The following LINGO2 variants were observed in gnomAD, a reference collection of about 807,000 sequenced individuals.
LINGO2 encodes leucine-rich repeat and immunoglobulin-like domain-containing nogo receptor-interacting protein 2.
Under a neutral mutation model 30.6 loss-of-function variants are expected in LINGO2, and 14 were observed. That is an observed-to-expected ratio of 0.46 (90% CI 0.30 to 0.72). The LOEUF (loss-of-function observed/expected upper bound fraction) is 0.72, where lower values mean the gene tolerates loss of function less well. Ranked by LOEUF, LINGO2 falls within the 30% of genes least tolerant of loss-of-function variation. The pLI is 0.07. For synonymous variants in LINGO2, 317 were observed against 288.5 expected (o/e 1.10, Z -1.00); for missense variants, 729 against 751.7 (o/e 0.97, Z 0.35).
intron 4 of LINGO2, among the ~76,000 whole-genome samples, chr9:28,139,523 T>C (rs1364982263): frequency 1.3e-5 from 2 of 152,212 alleles, no homozygotes; most frequent in Admixed American, 1.3e-4. Flanking sequence ...AAGAGAAATG[T>C]AGATTTTAAT....
chr9:28,684,690 T>A, the LINGO2 span, among the ~76,000 whole-genome samples: 2 of 151,826 alleles, frequency 1.3e-5, no homozygotes, highest in Non-Finnish European at 2.9e-5. Context: ...GGCTAAATTT[T>A]GTATTTTTAG....
chr9:28,873,131 G>C, the LINGO2 span, among the ~76,000 whole-genome samples: 3 of 151,948 alleles, frequency 2.0e-5, no homozygotes, highest in African/African-American at 7.3e-5. Context: ...TCCTTTGGGA[G>C]GCCGAGGTGG....
At chr9:28,836,576 A>G in the LINGO2 span, among the ~76,000 whole-genome samples, 2 of 152,138 alleles carry the variant, frequency 1.3e-5, no homozygotes, top group African/African-American at 4.8e-5. Flanking sequence ...TCAACTTCCC[A>G]AAGTGCTGAG....
the LINGO2 span, among the ~76,000 whole-genome samples, chr9:28,730,536 T>C: frequency 6.6e-6 from 1 of 152,102 alleles, no homozygotes; most frequent in Non-Finnish European, 1.5e-5. Flanking sequence ...ATGGGAGAAA[T>C]GTTTGCAAAG....
chr9:28,986,417 A>G, the LINGO2 span, among the ~76,000 whole-genome samples: 1 of 152,042 alleles, frequency 6.6e-6, no homozygotes, highest in Non-Finnish European at 1.5e-5. Flanking sequence ...AACAATAACA[A>G]TGGAATTTCA....
the LINGO2 span, among the ~76,000 whole-genome samples, chr9:28,927,337 G>A: frequency 6.6e-6 from 1 of 152,156 alleles, no homozygotes; most frequent in Non-Finnish European, 1.5e-5. Flanking sequence ...GATTAGACAA[G>A]AGCATCAGAC....
chr9:28,660,369 CAA>C (rs1828541995), intron 1 of LINGO2, among the ~76,000 whole-genome samples: 1 of 151,546 alleles, frequency 6.6e-6, no homozygotes, highest in Non-Finnish European at 1.5e-5. Flanking sequence ...AAATAAAAAA[CAA>C]AAATAACAGT....
At chr9:28,909,640 A>C in the LINGO2 span, among the ~76,000 whole-genome samples, 1 of 152,024 alleles carries the variant, frequency 6.6e-6, no homozygotes, top group African/African-American at 2.4e-5. Context: ...AACATATTGC[A>C]TCTGCTGAAT....
the LINGO2 span, among the ~76,000 whole-genome samples, chr9:29,088,239 C>A: frequency 3.3e-5 from 5 of 152,022 alleles, no homozygotes; most frequent in African/African-American, 4.8e-5. Flanking sequence ...CTTTTGAGTC[C>A]TCCATCTTCC....
rs547302249 is a variant in LINGO2 at position 28,381,111 on chromosome 9, A to C, written c.-278-8243T>G. 5.3e-5 allele frequency among the ~76,000 whole-genome samples: 8 copies of C among 152,192 alleles called. No individual in the cohort carries two copies. In the South Asian group the frequency reaches 1.7e-3, roughly 32 times the overall value. On this transcript the variant is annotated intron_variant, in intron 2 of 5. Coordinates refer to ENST00000379992, the Ensembl canonical transcript of LINGO2. ...CTTCAGAAAAGGATCCTTGACAATG[A>C]CTATTGCTATACAGAATGGGGTTTG...
intron 3 of LINGO2, among the ~76,000 whole-genome samples, chr9:28,355,490 A>C (rs539933411): frequency 3.0e-4 from 45 of 151,054 alleles, no homozygotes; most frequent in Non-Finnish European, 5.4e-4. Flanking sequence ...TCTGTAACTA[A>C]ATGTGTTAGA....
intron 1 of LINGO2, among the ~76,000 whole-genome samples, chr9:28,587,716 G>T (rs997636514): frequency 2.6e-5 from 4 of 151,790 alleles, no homozygotes; most frequent in African/African-American, 7.3e-5. Context: ...CCAGGAGAGG[G>T]AATCTTAGCA....
the LINGO2 span, among the ~76,000 whole-genome samples, chr9:28,806,601 C>T: frequency 1.3e-5 from 2 of 152,118 alleles, no homozygotes; most frequent in African/African-American, 4.8e-5. Flanking sequence ...AAATCACTTG[C>T]CCTTCTCCAG....
At chr9:28,138,954 C>T (rs988681861) in intron 4 of LINGO2, among the ~76,000 whole-genome samples, 4 of 152,168 alleles carry the variant, frequency 2.6e-5, no homozygotes, top group Non-Finnish European at 4.4e-5. Flanking sequence ...GGTTATTTCT[C>T]GCTAATGGTC....
intron 4 of LINGO2, among the ~76,000 whole-genome samples, chr9:28,202,771 G>C (rs1201013736): frequency 6.6e-6 from 1 of 152,150 alleles, no homozygotes; most frequent in Non-Finnish European, 1.5e-5. Flanking sequence ...ATGTAGGAAT[G>C]TGCCTGGCAA....
At chr9:28,761,530 T>C in the LINGO2 span, among the ~76,000 whole-genome samples, 1 of 151,702 alleles carries the variant, frequency 6.6e-6, no homozygotes, top group Non-Finnish European at 1.5e-5. Context: ...ATTAAAGGCA[T>C]ATAAGAAAAT....
chr9:28,629,024 T>C (rs1826813638), intron 1 of LINGO2, among the ~76,000 whole-genome samples: 1 of 152,148 alleles, frequency 6.6e-6, no homozygotes, highest in East Asian at 1.9e-4. Flanking sequence ...ATTGAACATT[T>C]ATTATGTGGT....
chr9:29,129,378 A>G, the LINGO2 span, among the ~76,000 whole-genome samples: 1 of 152,052 alleles, frequency 6.6e-6, no homozygotes, highest in African/African-American at 2.4e-5. Flanking sequence ...TTTAAAATAA[A>G]TTTTTTTGTA....
chr9:28,730,338 G>C, the LINGO2 span, among the ~76,000 whole-genome samples: 4 of 152,136 alleles, frequency 2.6e-5, no homozygotes, highest in Non-Finnish European at 5.9e-5. Context: ...GGCTGTCATT[G>C]ATAAAATCCT....
Sources: allele counts gnomAD v4.1 joint callset (sites outside exome capture counted in the v4.1 genomes callset), GRCh38; gene constraint gnomAD v4.1.1; transcripts MANE v1.5; gene names NCBI Gene and HGNC (gene_info 2026-07-23, HGNC 2026-07-21).